The following MYO15A variants were observed in gnomAD, a reference collection of about 807,000 sequenced individuals.
MYO15A encodes the protein myosin XVA, also known as unconventional myosin-XV.
In MYO15A, 308 loss-of-function variants were observed where a neutral mutation model predicts 394.6. The ratio of observed to expected loss-of-function variants is 0.78; its 90% confidence interval spans 0.71 to 0.86. MYO15A has a LOEUF of 0.86. MYO15A is among the 40% of genes least tolerant of loss of function. MYO15A has a pLI of 0.00. For synonymous variants in MYO15A, 1,957 were observed against 2,003.8 expected, an observed-to-expected ratio of 0.98 and a Z score of 0.62; for missense variants, 4,606 against 4,799.1, an observed-to-expected ratio of 0.96 and a Z score of 1.19.
chr17:18,135,684 G>T, intron 12 of MYO15A, 27 bp from the exon 13 acceptor site: 1 of 1,606,208 alleles, frequency 6.2e-7, no homozygotes, highest in African/African-American at 1.3e-5. Context: ...CTAGTTCAAA[G>T]CACATTCCTG....
intron 65 of MYO15A, among the ~76,000 whole-genome samples, chr17:18,175,920 G>C (rs571977461): frequency 6.6e-5 from 10 of 152,042 alleles, no homozygotes; most frequent in African/African-American, 2.2e-4. Flanking sequence ...CCCTTGTGCT[G>C]AGCTTGTTCT....
In MYO15A at chr17:18,148,199, G is replaced by A. The variant is rs759743908; in HGVS notation, c.6680G>A (p.Gly2227Asp). 4.1e-5 allele frequency: 66 copies of A among 1,613,580 alleles called. No individual in the cohort carries two copies. Among genetic ancestry groups the A allele is most frequent in the Non-Finnish European group, 5.3e-5 (63 of 1,180,046 alleles). ...YEKASMALDV[G>D]CFNGDQFSCP... ...AAGGCCAGCATGGCGCTGGACGTGG[G>A]CTGCTTCAATGGTAAGCTGCCTTCC... Residue 2227 changes from glycine (G) to aspartate (D), a missense_variant, in exon 31 of 66, where the codon GGC becomes GAC. This residue lies in a region of MYO15A where 2,776 missense variants were observed against 3,109.3 expected (regional missense o/e 0.89). Coordinates refer to ENST00000647165, the MANE Select transcript of MYO15A (RefSeq NM_016239.4). The surrounding 1 kb of genome is among the most constrained non-coding windows in gnomAD (Gnocchi z 4.8).
Position 18,121,621 on chromosome 17 carries a change from TC to T in MYO15A, c.2826del (p.Trp943GlyfsTer43). ...VDMPPTQRPP[S>X]PWPGGAGSRR... Reference sequence around the variant, plus strand: ...CATGCCTCCCACCCAACGCCCACCCTCCCCCTGGCCAGGAGGTGCAGGCAGC... The same window carrying T: ...CATGCCTCCCACCCAACGCCCACCCTCCCCTGGCCAGGAGGTGCAGGCAGC... On this transcript the variant is annotated frameshift_variant, in exon 2 of 66. Transcript: ENST00000647165. LOFTEE classifies it high-confidence loss of function. The surrounding 1 kb of genome is among the most constrained non-coding windows in gnomAD (Gnocchi z 5.3). 1.1e-6 allele frequency: 1 copy of T among 913,258 alleles called. No individual in the cohort carries two copies. Among genetic ancestry groups the T allele is most frequent in the Non-Finnish European group, 1.5e-6 (1 of 688,574 alleles). The allele number at this position is 913,258 out of a possible 1,614,324, so 56.6% of individuals were successfully genotyped here.
chr17:18,130,680 GTTT>G, intron 7 of MYO15A, 122 bp from the exon 8 acceptor site: 1 of 1,546,396 alleles, frequency 6.5e-7, no homozygotes, highest in Admixed American at 1.7e-5. Context: ...AGCCTCACAG[GTTT>G]TTACTAGTCC....
chr17:18,137,918 G>T, intron 16 of MYO15A, 197 bp from the exon 17 acceptor site: 1 of 869,216 alleles, frequency 1.2e-6, no homozygotes, highest in Middle Eastern at 3.4e-4. Context: ...CTCCTCTACT[G>T]GGCTGTCCCA....
chr17:18,153,480 T>C lies in MYO15A; in HGVS notation c.7967-295T>C. Reference sequence around the variant, plus strand: ...GGGAGGCCGAGGCGGGCGGACCACCTGAGGTCAGGAATTTGAGACTAGCCG... The same window carrying C: ...GGGAGGCCGAGGCGGGCGGACCACCCGAGGTCAGGAATTTGAGACTAGCCG... On this transcript the variant is annotated intron_variant, in intron 42 of 65. Coordinates refer to ENST00000647165, the MANE Select transcript of MYO15A (RefSeq NM_016239.4). The surrounding 1 kb of genome is among the most constrained non-coding windows in gnomAD (Gnocchi z 4.1). 6.1e-6 allele frequency: 1 copy of C among 165,196 alleles called. No individual in the cohort carries two copies. Among genetic ancestry groups the C allele is most frequent in the Non-Finnish European group, 1.3e-5 (1 of 77,798 alleles). 10.2% of individuals were successfully genotyped at this position (165,196 alleles called of 1,614,324 possible). A position where few individuals can be genotyped will look rare whatever the true frequency, so the allele number is the denominator to read the frequency against.
At position 18,124,576 on chromosome 17, in the gene MYO15A, A is replaced by G; in HGVS notation, c.3692+11A>G. 6.2e-7 allele frequency: 1 copy of G among 1,612,650 alleles called. No homozygotes were observed. Among genetic ancestry groups the G allele is most frequent in the Non-Finnish European group, 8.5e-7 (1 of 1,179,796 alleles). The stretch of plus-strand genomic sequence containing the variant: ...CATGACACAGCTGGAGTGAGTGGGC[A>G]GGGCCGGCGGGGTCAGCAAGGGGTC... On this transcript the variant is annotated intron_variant, in intron 3 of 65. Transcript: ENST00000647165.
In MYO15A at chr17:18,148,974, C is replaced by T. The variant is rs570043683; in HGVS notation, c.6956+22C>T. 3 of 1,566,898 alleles carry T rather than the reference C, an allele frequency of 1.9e-6. No individual in the cohort carries two copies. On this transcript the variant is annotated intron_variant, in intron 33 of 65. Transcript: ENST00000647165. This position sits in a 1 kb window ranked among gnomAD's most constrained non-coding sequence, Gnocchi z 4.8. ...AAGTGTAGGTAGCTATGGGGGACCC[C>T]CTCACAGATGGCCACTCCCAGGCAG... is the stretch of plus-strand genomic sequence containing the variant.
intron 63 of MYO15A, 123 bp from the exon 64 acceptor site, chr17:18,172,034 G>A: frequency 6.6e-7 from 1 of 1,525,382 alleles, no homozygotes; most frequent in Non-Finnish European, 9.0e-7. Context: ...GATGGGAGGA[G>A]ACCCAGACCA....
At chr17:18,164,059 C>A (rs1351798209) in intron 60 of MYO15A, 3 of 590,812 alleles carry the variant, frequency 5.1e-6, no homozygotes, top group African/African-American at 3.7e-5. Context: ...ATGATGAGAG[C>A]CCTCTCTCAT....
Position 18,132,303 on chromosome 17 carries a change from T to G in MYO15A, c.4207-150T>G. On this transcript the variant is annotated intron_variant, in intron 10 of 65. Coordinates refer to ENST00000647165, the MANE Select transcript of MYO15A (RefSeq NM_016239.4). This position sits in a 1 kb window ranked among gnomAD's most constrained non-coding sequence, Gnocchi z 4.6. The stretch of plus-strand genomic sequence containing the variant: ...CCCTCACCCGCAGCTGGCACCAGGC[T>G]GGGAGCCTCACCCATCACAGAGGCG... 1.5e-6 allele frequency: 1 copy of G among 667,768 alleles called. No individual in the cohort carries two copies. Among genetic ancestry groups the G allele is most frequent in the East Asian group, 2.7e-5 (1 of 36,724 alleles). The allele number at this position is 667,768 out of a possible 1,614,324, so 41.4% of individuals were successfully genotyped here.
chr17:18,158,325 A>C (rs2046718571), intron 51 of MYO15A, 198 bp from the exon 52 acceptor site: 6 of 566,174 alleles, frequency 1.1e-5, no homozygotes, highest in Middle Eastern at 9.5e-4. Context: ...GCAGGGAGCC[A>C]GGTTAGCACA....
intron 12 of MYO15A, among the ~76,000 whole-genome samples, chr17:18,134,364 A>C (rs924326485): frequency 3.9e-5 from 6 of 152,200 alleles, no homozygotes; most frequent in Non-Finnish European, 8.8e-5. Flanking sequence ...AGTACATTTA[A>C]ATTTTATATT....
intron 5 of MYO15A, 43 bp downstream of exon 5, chr17:18,126,499 TCTTTC>T (rs756904282): frequency 1.0e-5 from 16 of 1,554,558 alleles, no homozygotes; most frequent in Admixed American, 1.7e-5. Context: ...CTTGGGCCCC[TCTTTC>T]CCCTGCTCTG....
At position 18,121,247 on chromosome 17, in the gene MYO15A, G is replaced by C. The variant is rs1219944687; in HGVS notation, c.2447G>C (p.Arg816Pro). 1 of 1,471,598 alleles carries C rather than the reference G, an allele frequency of 6.8e-7. No individual in the cohort carries two copies. The highest frequency in any genetic ancestry group is 3.0e-5 in the East Asian group (1 of 33,664). 91.2% of individuals were successfully genotyped at this position (1,471,598 alleles called of 1,614,324 possible). ...FQPPFLPPAR[R>P]PRSLQESPAP... ...CCGCCCTTCCTGCCCCCGGCCCGCCGGCCCCGCTCGCTGCAGGAGTCCCCA... is the reference window on the plus strand; with the variant it reads ...CCGCCCTTCCTGCCCCCGGCCCGCCCGCCCCGCTCGCTGCAGGAGTCCCCA... Residue 816 changes from arginine to proline, a missense_variant, in exon 2 of 66, where the codon CGG (arginine) becomes CCG (proline). Transcript: ENST00000647165. The surrounding 1 kb of genome is among the most constrained non-coding windows in gnomAD (Gnocchi z 5.3).
chr17:18,132,472 A>G lies in MYO15A; in HGVS notation c.4226A>G (p.Tyr1409Cys). 1 of 1,613,966 alleles carries G rather than the reference A, an allele frequency of 6.2e-7. No individual in the cohort carries two copies. The highest frequency in any genetic ancestry group is 8.5e-7 in the Non-Finnish European group (1 of 1,180,034). The change falls in exon 11 of 66, where the codon TAC becomes TGC. Residue 1409 changes from tyrosine to cysteine, a missense_variant. Around this residue, in one of 2 missense-constraint regions of MYO15A, gnomAD observed 2,776 missense variants for 3,109.3 expected, o/e 0.89. Coordinates refer to ENST00000647165, the MANE Select transcript of MYO15A (RefSeq NM_016239.4). This position sits in a 1 kb window ranked among gnomAD's most constrained non-coding sequence, Gnocchi z 4.6. ...IVFQAKNERN[Y>C]HIFYELLAGL... ...CTACAGGCCAAAAACGAGAGGAATT[A>G]CCACATCTTCTACGAGTTGCTGGCC...
intron 1 of MYO15A, among the ~76,000 whole-genome samples, chr17:18,111,312 G>A (rs1007073282): frequency 6.9e-6 from 1 of 144,192 alleles, no homozygotes; most frequent in Non-Finnish European, 1.5e-5. Flanking sequence ...TCCAGCCTGA[G>A]TGATGGAACC....
chr17:18,158,196 C>T (rs2046715097), intron 51 of MYO15A: 1 of 590,224 alleles, frequency 1.7e-6, no homozygotes, highest in South Asian at 2.1e-5. Flanking sequence ...TTGGTGAAGT[C>T]TACTGGGTTT....
chr17:18,172,489 T>C (rs376160622), intron 64 of MYO15A, 199 bp downstream of exon 64: 5 of 809,156 alleles, frequency 6.2e-6, no homozygotes, highest in African/African-American at 3.4e-5. Flanking sequence ...GCCCCACCCA[T>C]AGGGCTGTTG....
Sources: allele counts gnomAD v4.1 joint callset (sites outside exome capture counted in the v4.1 genomes callset), GRCh38; gene constraint gnomAD v4.1.1; regional missense constraint gnomAD v4.1.1; non-coding constraint Gnocchi (gnomAD v3.1); transcripts MANE v1.5; gene names NCBI Gene and HGNC (gene_info 2026-07-23, HGNC 2026-07-21).